Variants in MAP1B observed in about 807,000 individuals in gnomAD.
MAP1B encodes microtubule-associated protein 1B.
In MAP1B, 12 loss-of-function variants were observed where a neutral mutation model predicts 176.1. The observed-to-expected ratio is 0.07, with a 90% CI of 0.04 to 0.11. MAP1B has a LOEUF of 0.11. Ranked by LOEUF, MAP1B falls within the 10% of genes least tolerant of loss-of-function variation. The pLI is 1.00. For missense variants in MAP1B, 2,523 were observed against 2,990.5 expected, an observed-to-expected ratio of 0.84 and a Z score of 3.65; for synonymous variants, 1,044 against 1,135.0, an observed-to-expected ratio of 0.92 and a Z score of 1.61.
At chr5:72,116,735 C>T (rs1312506488) in intron 2 of MAP1B, among the ~76,000 whole-genome samples, 1 of 152,156 alleles carries the variant, frequency 6.6e-6, no homozygotes, top group Non-Finnish European at 1.5e-5. Flanking sequence ...TCTTGACCAT[C>T]ACTTGAATTT....
chr5:72,169,513 A>C (rs555559491), intron 2 of MAP1B: 8 of 154,128 alleles, frequency 5.2e-5, no homozygotes, highest in African/African-American at 1.9e-4. Context: ...CACACATTTC[A>C]ACCCACACTA....
At position 72,206,240 on chromosome 5, in the gene MAP1B, C is replaced by A. The variant is rs1747443692; in HGVS notation, c.*1001C>A. The A allele has an allele frequency of 6.6e-6, 1 of 152,608 alleles. No homozygotes were observed. Among genetic ancestry groups the A allele is most frequent in the African/African-American group, 2.4e-5 (1 of 41,426 alleles). The allele number at this position is 152,608 out of a possible 1,614,324, so 9.5% of individuals were successfully genotyped here. ...GCACTTATTTTTTAATGTGAGACAG[C>A]AAGTTTATAAAACATCCATATAGGA... On this transcript the variant is annotated 3_prime_UTR_variant, in exon 7 of 7. Coordinates refer to ENST00000296755, the MANE Select transcript of MAP1B (RefSeq NM_005909.5).
chr5:72,136,709 A>G (rs1745842749), intron 2 of MAP1B, among the ~76,000 whole-genome samples: 1 of 152,094 alleles, frequency 6.6e-6, no homozygotes, highest in Admixed American at 6.6e-5. Flanking sequence ...TTTCCCTCCA[A>G]TTAGGGTGTG....
At chr5:72,172,625 C>T (rs1451240337) in intron 2 of MAP1B, among the ~76,000 whole-genome samples, 1 of 152,116 alleles carries the variant, frequency 6.6e-6, no homozygotes, top group East Asian at 1.9e-4. Flanking sequence ...TCAGATAAAC[C>T]TGTCAAGTGA....
At chr5:72,171,152 G>C (rs1249113412) in intron 2 of MAP1B, among the ~76,000 whole-genome samples, 1 of 152,118 alleles carries the variant, frequency 6.6e-6, no homozygotes, top group Non-Finnish European at 1.5e-5. Context: ...AAGGAAAAAG[G>C]GTAAAGAGGA....
chr5:72,170,708 C>G lies in MAP1B; in HGVS notation c.287-13035C>G, dbSNP rs183156635. ...GACGCGGTTGTTCACGCCTGTAATCCCAGCACTCTGGGAGGCTGAGGTGGG... is the reference window on the plus strand; with the variant it reads ...GACGCGGTTGTTCACGCCTGTAATCGCAGCACTCTGGGAGGCTGAGGTGGG... On this transcript the variant is annotated intron_variant, in intron 2 of 6. Transcript: ENST00000296755. 1.8e-3 allele frequency among the ~76,000 whole-genome samples: 274 copies of G among 152,254 alleles called. 1 individual carries two copies. The highest frequency in any genetic ancestry group is 6.3e-3 in the African/African-American group (262 of 41,540).
intron 2 of MAP1B, among the ~76,000 whole-genome samples, chr5:72,172,052 C>T (rs551301143): frequency 6.6e-6 from 1 of 152,318 alleles, no homozygotes; most frequent in East Asian, 1.9e-4. Flanking sequence ...TATGTCAAAT[C>T]CTGTAATGAT....
intron 2 of MAP1B, among the ~76,000 whole-genome samples, chr5:72,155,955 C>A (rs1746223209): frequency 6.6e-6 from 1 of 151,998 alleles, no homozygotes; most frequent in Admixed American, 6.6e-5. Flanking sequence ...TTAGTAGAGA[C>A]AGGGTTTTAC....
chr5:72,179,603 C>G (rs1746724249), intron 2 of MAP1B: 1 of 985,478 alleles, frequency 1.0e-6, no homozygotes, highest in Non-Finnish European at 1.2e-6. Flanking sequence ...GGGGGCGCGT[C>G]AGGGCCCCTC....
At chr5:72,193,275 C>A (rs1168039276) in intron 4 of MAP1B, 1 of 427,124 alleles carries the variant, frequency 2.3e-6, no homozygotes, top group Non-Finnish European at 4.6e-6. Flanking sequence ...TTTTACATGC[C>A]AGATCCTGAA....
chr5:72,112,592 G>T (rs994612527), intron 1 of MAP1B, among the ~76,000 whole-genome samples: 1 of 152,160 alleles, frequency 6.6e-6, no homozygotes, highest in Non-Finnish European at 1.5e-5. Context: ...ACCACCTGGG[G>T]TCAGAGAACT....
rs1459599619 is a variant in MAP1B at position 72,183,833 on chromosome 5, T to C, written c.369+8T>C. ...GAAGCAGTCAGCACCGAGGTAAGCA[T>C]TCAGCTCTGTAGAATCTGGGGCCGG... On this transcript the variant is annotated splice_region_variant and intron_variant, in intron 3 of 6. Coordinates refer to ENST00000296755, the MANE Select transcript of MAP1B (RefSeq NM_005909.5). 1.9e-6 allele frequency: 3 copies of C among 1,613,120 alleles called. No individual in the cohort carries two copies. Among genetic ancestry groups the C allele is most frequent in the Non-Finnish European group, 2.5e-6 (3 of 1,179,290 alleles).
chr5:72,121,395 A>T lies in MAP1B; in HGVS notation c.286+5596A>T, dbSNP rs1208129921. On this transcript the variant is annotated intron_variant, in intron 2 of 6. Transcript: ENST00000296755. ...TACATTTTGTCACTAGTTTTATAAC[A>T]TCTAGATCACATTCACAAAAATCAT... 2.0e-5 allele frequency among the ~76,000 whole-genome samples: 3 copies of T among 152,266 alleles called. No individual in the cohort carries two copies. In the East Asian group the frequency reaches 5.8e-4, roughly 29 times the overall value.
At chr5:72,169,032 T>C (rs1158330043) in intron 2 of MAP1B, among the ~76,000 whole-genome samples, 2 of 152,242 alleles carry the variant, frequency 1.3e-5, no homozygotes, top group Non-Finnish European at 2.9e-5. Context: ...AAATAGGTTG[T>C]TAAGGTAAGA....
rs902653672 is a variant in MAP1B at position 72,153,282 on chromosome 5, G to A, written c.287-30461G>A. ...GGGCAGAGATCTCACATGAGAGAGC[G>A]GGGAGGGAGGGTGGACATGTCACAC... On this transcript the variant is annotated intron_variant, in intron 2 of 6. Coordinates refer to ENST00000296755, the MANE Select transcript of MAP1B (RefSeq NM_005909.5). Among the ~76,000 whole-genome samples, 13 of 152,026 alleles carry A rather than the reference G, an allele frequency of 8.6e-5. No homozygotes were observed. The South Asian group carries it at 1.0e-3, about 12-fold the overall frequency.
intron 2 of MAP1B, among the ~76,000 whole-genome samples, chr5:72,181,848 C>A (rs752353617): frequency 1.3e-5 from 2 of 151,980 alleles, no homozygotes; most frequent in Non-Finnish European, 1.5e-5. Flanking sequence ...TCTCAGCCTC[C>A]CAAGTAGCTG....
chr5:72,123,482 T>G (rs866830010), intron 2 of MAP1B, among the ~76,000 whole-genome samples: 25 of 142,856 alleles, frequency 1.8e-4, no homozygotes, highest in East Asian at 4.1e-4. Context: ...GTTTTTTTTG[T>G]TTTTTTTTTA....
chr5:72,184,992 G>T (rs916711409), intron 3 of MAP1B, among the ~76,000 whole-genome samples: 1 of 152,136 alleles, frequency 6.6e-6, no homozygotes, highest in African/African-American at 2.4e-5. Context: ...CCCCGATGCC[G>T]ACAACTGCGA....
intron 2 of MAP1B, among the ~76,000 whole-genome samples, chr5:72,165,661 C>A (rs1327565076): frequency 6.6e-6 from 1 of 152,150 alleles, no homozygotes; most frequent in Non-Finnish European, 1.5e-5. Context: ...CATTAGTTCA[C>A]TTAGCCATTT....
Sources: gnomAD v4.1 joint callset for allele counts (sites outside exome capture counted in the v4.1 genomes callset) on GRCh38, gnomAD v4.1.1 for gene constraint, MANE v1.5 for transcripts, NCBI Gene and HGNC (gene_info 2026-07-23, HGNC 2026-07-21) for gene names.